The following NRG1 variants were observed in gnomAD, a reference collection of about 807,000 sequenced individuals.
NRG1 encodes the protein neuregulin 1.
NRG1 carries 18 observed loss-of-function variants against 63.8 expected under a neutral mutation model. The ratio of observed to expected loss-of-function variants is 0.28; its 90% CI spans 0.19 to 0.42. NRG1 has a LOEUF of 0.42. Ranked by LOEUF, NRG1 falls within the 10% of genes least tolerant of loss-of-function variation. The pLI, the probability that NRG1 is intolerant of heterozygous loss-of-function variation, is 1.00. For synonymous variants in NRG1, 302 were observed against 301.3 expected (o/e 1.00, Z -0.02); for missense variants, 762 against 814.7 (o/e 0.94, Z 0.79).
chr8:32,745,014 T>A (rs1827165724), intron 7 of NRG1, among the ~76,000 whole-genome samples: 1 of 152,190 alleles, frequency 6.6e-6, no homozygotes, highest in South Asian at 2.1e-4. Flanking sequence ...GAACAATATA[T>A]GTAATGGCTG....
intron 1 of NRG1, among the ~76,000 whole-genome samples, chr8:31,993,314 C>A (rs567614994): frequency 2.4e-4 from 37 of 151,930 alleles, no homozygotes; most frequent in Non-Finnish European, 5.2e-4. Context: ...AGCATGGGGT[C>A]CAGGGAGCTT....
intron 1 of NRG1, among the ~76,000 whole-genome samples, chr8:31,988,797 C>G (rs1031901779): frequency 6.6e-6 from 1 of 152,090 alleles, no homozygotes; most frequent in African/African-American, 2.4e-5. Context: ...ATAAGTTAGC[C>G]TGTATACTTG....
chr8:32,257,595 G>T lies in NRG1; in HGVS notation c.38-338233G>T, dbSNP rs77921214. Among the ~76,000 whole-genome samples the T allele has an allele frequency of 4.7e-3, 711 of 151,992 alleles. 17 individuals are homozygous for T. In the East Asian group the frequency reaches 0.072, roughly 15 times the overall value. On this transcript the variant is annotated intron_variant, in intron 1 of 10. Coordinates refer to the NRG1 transcript ENST00000519301. The stretch of plus-strand genomic sequence containing the variant: ...TCTTCAAAAATAAATTTGGAAACTT[G>T]TCAGTCCATAATTTTTTTAAGTATT...
intron 1 of NRG1, among the ~76,000 whole-genome samples, chr8:31,653,699 T>A (rs1378789590): frequency 6.6e-6 from 1 of 152,256 alleles, no homozygotes; most frequent in Non-Finnish European, 1.5e-5. Context: ...GTATTAACTA[T>A]GTGTAATTCC....
chr8:31,775,882 CAAAAAAAAAAAAAAA>C (rs71208140), intron 1 of NRG1, among the ~76,000 whole-genome samples: 1 of 72,202 alleles, frequency 1.4e-5, no homozygotes, highest in Non-Finnish European at 2.5e-5. Context: ...GACTCCGTCT[CAAAAAAAAAAAAAAA>C]AAAAAAAAAA....
intron 5 of NRG1, among the ~76,000 whole-genome samples, chr8:32,627,684 G>GTT (rs1454032438): frequency 3.3e-5 from 5 of 152,098 alleles, no homozygotes; most frequent in Non-Finnish European, 1.5e-5. Context: ...AAAGACTTGA[G>GTT]TTGATCCAAA....
At chr8:31,964,853 A>G (rs1806058588) in intron 1 of NRG1, among the ~76,000 whole-genome samples, 1 of 152,298 alleles carries the variant, frequency 6.6e-6, no homozygotes, top group South Asian at 2.1e-4. Context: ...CCCAGCTGAT[A>G]AGTAAGAGAG....
intron 1 of NRG1, among the ~76,000 whole-genome samples, chr8:32,019,004 G>A (rs185269106): frequency 1.3e-5 from 2 of 152,292 alleles, no homozygotes; most frequent in Admixed American, 6.5e-5. Context: ...CATTTTCATA[G>A]GCCTCAACTG....
At chr8:32,769,461 T>C (rs1831644832), downstream of NRG1, among the ~76,000 whole-genome samples, 1 of 152,182 alleles carries the variant, frequency 6.6e-6, no homozygotes, top group Non-Finnish European at 1.5e-5. Flanking sequence ...GTCTTCCCAA[T>C]CATTAGATTT....
chr8:32,215,070 A>C (rs1321831848), intron 1 of NRG1, among the ~76,000 whole-genome samples: 5 of 152,262 alleles, frequency 3.3e-5, no homozygotes, highest in Non-Finnish European at 7.3e-5. Flanking sequence ...TAAACAACAA[A>C]TAATTTTTAG....
chr8:32,272,741 A>G (rs189442361), intron 1 of NRG1, among the ~76,000 whole-genome samples: 1 of 152,294 alleles, frequency 6.6e-6, no homozygotes, highest in Non-Finnish European at 1.5e-5. Flanking sequence ...CCTATCCATT[A>G]TTGATCAAAA....
chr8:32,161,578 A>C (rs1456135162), intron 1 of NRG1, among the ~76,000 whole-genome samples: 2 of 149,864 alleles, frequency 1.3e-5, no homozygotes, highest in African/African-American at 4.9e-5. Flanking sequence ...AAAAAAAAAA[A>C]CACTGTTTTT....
intron 7 of NRG1, among the ~76,000 whole-genome samples, chr8:32,747,945 ACGT>A (rs1432319687): frequency 1.3e-5 from 2 of 151,712 alleles, no homozygotes; most frequent in Non-Finnish European, 2.9e-5. Flanking sequence ...AACATATTTC[ACGT>A]CTCCTTTACT....
intron 1 of NRG1, among the ~76,000 whole-genome samples, chr8:31,837,244 T>G (rs941293105): frequency 6.6e-6 from 1 of 152,066 alleles, no homozygotes; most frequent in African/African-American, 2.4e-5. Flanking sequence ...GGAGAAAATA[T>G]AAATTTTTAC....
intron 1 of NRG1, among the ~76,000 whole-genome samples, chr8:32,422,492 C>T (rs762756141): frequency 6.6e-6 from 1 of 152,206 alleles, no homozygotes; most frequent in Non-Finnish European, 1.5e-5. Context: ...TTTTTGCTCT[C>T]ATAACAATGC....
chr8:32,520,482 A>G (rs35024990), intron 1 of NRG1, among the ~76,000 whole-genome samples: 8,033 of 152,186 alleles, frequency 0.053, 286 homozygotes, highest in Middle Eastern at 0.085. Flanking sequence ...TTACCTGTAC[A>G]ATGGGGATAA....
At chr8:32,497,535 A>G (rs1039419914) in intron 1 of NRG1, among the ~76,000 whole-genome samples, 2 of 151,978 alleles carry the variant, frequency 1.3e-5, no homozygotes, top group Non-Finnish European at 2.9e-5. Flanking sequence ...TTTTTAACTT[A>G]CAGATTGACA....
chr8:32,487,845 A>AT (rs1826090724), intron 1 of NRG1, among the ~76,000 whole-genome samples: 1 of 152,192 alleles, frequency 6.6e-6, no homozygotes, highest in Non-Finnish European at 1.5e-5. Flanking sequence ...CCGGAGTCAG[A>AT]ACTAAGAATG....
At chr8:32,705,431 A>G in intron 5 of NRG1, among the ~76,000 whole-genome samples, 1 of 152,134 alleles carries the variant, frequency 6.6e-6, no homozygotes, top group East Asian at 1.9e-4. Context: ...GCGCCCGGCC[A>G]AGTGACAATG....
Sources: allele counts gnomAD v4.1 joint callset (sites outside exome capture counted in the v4.1 genomes callset), GRCh38; gene constraint gnomAD v4.1.1; transcripts MANE v1.5; gene names NCBI Gene and HGNC (gene_info 2026-07-23, HGNC 2026-07-21).